MATK: variants seen among roughly 807,000 people sequenced by gnomAD.
The protein encoded by MATK is megakaryocyte-associated tyrosine-protein kinase.
Under a neutral mutation model 59.8 loss-of-function variants are expected in MATK, and 41 were observed. That is an observed-to-expected ratio of 0.69 (90% CI 0.53 to 0.89). The LOEUF is 0.89. MATK is among the 40% of genes least tolerant of loss of function. The probability of loss-of-function intolerance (pLI) is 0.00; values close to 1 mark genes in which losing one functional copy is unlikely to be tolerated. For missense variants in MATK, 593 were observed against 719.6 expected (o/e 0.82, Z 2.01); for synonymous variants, 308 against 306.1 (o/e 1.01, Z -0.06).
intron 8 of MATK, among the ~76,000 whole-genome samples, chr19:3,780,876 C>T (rs1047739699): frequency 6.6e-6 from 1 of 152,068 alleles, no homozygotes; most frequent in Non-Finnish European, 1.5e-5. Context: ...GCTGGGACTA[C>T]AGGCATGCTC....
rs533319173 is a variant in MATK, at chr19:3,785,436, C to T, written c.-151-150G>A. 21 of 517,384 alleles carry T rather than the reference C, an allele frequency of 4.1e-5. No individual in the cohort carries two copies. The East Asian group carries it at 6.7e-4, about 17-fold the overall frequency. 32.0% of individuals were successfully genotyped at this position (517,384 alleles called of 1,614,324 possible). On this transcript the variant is annotated intron_variant, in intron 1 of 13. Transcript: ENST00000310132. ...CCACCCGCTGAGCCTCTCTGATCCC[C>T]CCCCAAACCCAGGACAGACACACAA...
chr19:3,786,491 C>G, upstream of MATK: 2 of 717,696 alleles, frequency 2.8e-6, no homozygotes, highest in Non-Finnish European at 3.4e-6. This position sits in a 1 kb window ranked among gnomAD's most constrained non-coding sequence, Gnocchi z 4.1. Flanking sequence ...CACGCGGGCT[C>G]CACGCCTGGC....
chr19:3,783,370 A>C lies in MATK; in HGVS notation c.583-151T>G, dbSNP rs1568406631. 4.5e-6 allele frequency: 3 copies of C among 659,922 alleles called. No individual in the cohort carries two copies. The East Asian group carries it at 8.1e-5, about 18-fold the overall frequency. The allele number at this position is 659,922 out of a possible 1,614,324, so 40.9% of individuals were successfully genotyped here. On this transcript the variant is annotated intron_variant, in intron 6 of 13. Coordinates refer to ENST00000310132, the MANE Select transcript of MATK (RefSeq NM_139355.3). ...ATAGGAACGGGAAAGGAGGCAAGCC[A>C]AAAGGAGGGGGAGTCCTCTGGATTG...
Position 3,784,808 on chromosome 19 carries a change from A to G in MATK, c.132+17T>C, listed in dbSNP as rs1349538173. 1 of 1,548,434 alleles carries G rather than the reference A, an allele frequency of 6.5e-7. No homozygotes were observed. Among genetic ancestry groups the G allele is most frequent in the Admixed American group, 2.0e-5 (1 of 50,998 alleles). On this transcript the variant is annotated intron_variant, in intron 3 of 13. Transcript: ENST00000310132. ...GAAGGACCCGGGGAGCAGAGGAAGC[A>G]GGCTAGACACACTCACCGTTGGCAT... is the stretch of plus-strand genomic sequence containing the variant.
upstream of MATK, among the ~76,000 whole-genome samples, chr19:3,791,363 TG>T (rs1160463871): frequency 6.6e-6 from 1 of 151,404 alleles, no homozygotes; most frequent in Non-Finnish European, 1.5e-5. Flanking sequence ...TTTTTTTTTT[TG>T]AAACAGAGTA....
rs747780125 is a variant in MATK at position 3,778,398 on chromosome 19, C to T, written c.1309G>A (p.Val437Met). The T allele has an allele frequency of 4.5e-5, 73 of 1,612,054 alleles. No individual in the cohort carries two copies. Among genetic ancestry groups the T allele is most frequent in the Non-Finnish European group, 6.1e-5 (72 of 1,179,512 alleles). Residue 437 changes from valine to methionine, a missense_variant, in exon 14 of 14, where the codon GTG becomes ATG. Coordinates refer to ENST00000310132, the MANE Select transcript of MATK (RefSeq NM_139355.3). ...GGTTCCATGCGGTACCCCTTCTCCA[C>T]GGCCTCCGACACCTCTTTCAGTGAC... is the stretch of plus-strand genomic sequence containing the variant. Reference protein sequence around the residue: ...KMSLKEVSEAVEKGYRMEPPE... With the variant: ...KMSLKEVSEAMEKGYRMEPPE...
intron 1 of MATK, among the ~76,000 whole-genome samples, chr19:3,795,786 G>A (rs2037588605): frequency 9.0e-6 from 1 of 111,300 alleles, no homozygotes; most frequent in South Asian, 3.0e-4. Flanking sequence ...TTTTGAGATG[G>A]AATCTCACTG....
At chr19:3,780,066 A>G (rs950596667) in intron 8 of MATK, among the ~76,000 whole-genome samples, 2 of 152,190 alleles carry the variant, frequency 1.3e-5, no homozygotes, top group African/African-American at 2.4e-5. Flanking sequence ...GGATCACCTG[A>G]GGTCAGGAGT....
chr19:3,781,571 C>G lies in MATK; in HGVS notation c.742+36G>C, dbSNP rs764672781. The G allele has an allele frequency of 1.2e-4, 187 of 1,610,994 alleles. 3 individuals are homozygous for G. In the Middle Eastern group the frequency reaches 9.8e-3, roughly 84 times the overall value. ...CAAAGCCTCAATACGCACCTCCCAT[C>G]TTCCTTCAGCACCCCCAACCCAGTC... On this transcript the variant is annotated intron_variant, in intron 8 of 13. Transcript: ENST00000310132.
chr19:3,783,952 C>A lies in MATK; in HGVS notation c.444G>T (p.Glu148Asp), dbSNP rs757647539. Residue 148 changes from glutamate to aspartate, a missense_variant, in exon 6 of 14, where the codon GAG (glutamate) becomes GAT (aspartate). Coordinates refer to ENST00000310132, the MANE Select transcript of MATK (RefSeq NM_139355.3). ...PPEDGLFLVR[E>D]SARHPGDYVL... ...CGTAGTCGCCGGGGTGGCGCGCGGA[C>A]TCCCGCACCAGGAACAGCCCATCCT... 6.2e-7 allele frequency: 1 copy of A among 1,612,368 alleles called. No homozygotes were observed. Among genetic ancestry groups the A allele is most frequent in the Admixed American group, 1.7e-5 (1 of 59,942 alleles).
chr19:3,781,140 C>T (rs569860714), intron 8 of MATK, among the ~76,000 whole-genome samples: 4 of 152,270 alleles, frequency 2.6e-5, no homozygotes, highest in African/African-American at 7.2e-5. Flanking sequence ...TTCATGGCCA[C>T]GCCCATATGT....
At chr19:3,791,620 G>A (rs2037542659) in intron 1 of MATK, among the ~76,000 whole-genome samples, 1 of 151,630 alleles carries the variant, frequency 6.6e-6, no homozygotes, top group South Asian at 2.1e-4. Flanking sequence ...TGGGATTACA[G>A]GCGTGAGCCA....
intron 1 of MATK, among the ~76,000 whole-genome samples, chr19:3,793,615 T>C (rs2037564676): frequency 1.3e-5 from 2 of 151,584 alleles, no homozygotes; most frequent in East Asian, 3.9e-4. Context: ...GGCAGGAGAA[T>C]GGCGTGAACC....
upstream of MATK, chr19:3,786,413 G>T: frequency 1.7e-5 from 17 of 979,824 alleles, no homozygotes; most frequent in Non-Finnish European, 2.1e-5. The surrounding 1 kb of genome is among the most constrained non-coding windows in gnomAD (Gnocchi z 4.1). Flanking sequence ...CGCCGCCGCC[G>T]GCCCCTCCCC....
At chr19:3,782,190 G>C (rs1274798642) in intron 7 of MATK, among the ~76,000 whole-genome samples, 1 of 152,164 alleles carries the variant, frequency 6.6e-6, no homozygotes, top group African/African-American at 2.4e-5. Flanking sequence ...AAAGGTTCCA[G>C]AATATTCCAG....
chr19:3,779,436 A>G lies in MATK; in HGVS notation c.943T>C (p.Phe315Leu), dbSNP rs759199322. Residue 315 changes from phenylalanine (F) to leucine (L), a missense_variant, in exon 11 of 14, where the codon TTT becomes CTT. Coordinates refer to ENST00000310132, the MANE Select transcript of MATK (RefSeq NM_139355.3). The stretch of plus-strand genomic sequence containing the variant: ...AGGGCTCGACCCCGGGTCCGCAGAA[A>G]GTTCACCAGGTTGCCCTGTTGGGGG... The part of the protein sequence containing the change: ...EHVSKGNLVN[F>L]LRTRGRALVN... 6.2e-7 allele frequency: 1 copy of G among 1,613,232 alleles called. No individual in the cohort carries two copies. Among genetic ancestry groups the G allele is most frequent in the Admixed American group, 1.7e-5 (1 of 60,022 alleles).
At chr19:3,794,774 CT>C (rs2037577055) in intron 1 of MATK, among the ~76,000 whole-genome samples, 1 of 152,110 alleles carries the variant, frequency 6.6e-6, no homozygotes, top group African/African-American at 2.4e-5. Flanking sequence ...CCTCTTCATC[CT>C]CTCATGACCT....
chr19:3,787,047 G>T (rs1183065213), upstream of MATK, among the ~76,000 whole-genome samples: 1 of 152,158 alleles, frequency 6.6e-6, no homozygotes, highest in Non-Finnish European at 1.5e-5. Context: ...TGGTGGACAG[G>T]GCCCTGGCCC....
rs377387658 is a variant in MATK at position 3,792,222 on chromosome 19, T to C, written c.-57-2818A>G. On this transcript the variant is annotated intron_variant, in intron 1 of 13. Coordinates refer to the MATK transcript ENST00000395045. ...ACCTCAGGCCTGTAGACTCCCCTGA[T>C]TGGATTGCAAACTTCTCTAAGGCAG... Among the ~76,000 whole-genome samples the C allele has an allele frequency of 3.9e-5, 6 of 152,296 alleles. No homozygotes were observed. The East Asian group carries it at 9.6e-4, about 24-fold the overall frequency.
Sources: allele counts gnomAD v4.1 joint callset (sites outside exome capture counted in the v4.1 genomes callset), GRCh38; gene constraint gnomAD v4.1.1; non-coding constraint Gnocchi (gnomAD v3.1); transcripts MANE v1.5; gene names NCBI Gene and HGNC (gene_info 2026-07-23, HGNC 2026-07-21).